TM6SF1: variants seen among roughly 807,000 people sequenced by gnomAD.
The protein encoded by TM6SF1 is transmembrane 6 superfamily member 1.
In TM6SF1, 43 loss-of-function variants were observed where a neutral mutation model predicts 47.1. That is an observed-to-expected ratio of 0.91 (90% CI 0.72 to 1.18). TM6SF1 has a LOEUF of 1.18. Among genes scored for constraint, TM6SF1 ranks in the 50% most tolerant of loss-of-function variants. TM6SF1 has a pLI of 0.00. For synonymous variants in TM6SF1, 177 were observed against 166.3 expected (o/e 1.06, Z -0.49); for missense variants, 390 against 449.0 (o/e 0.87, Z 1.19).
At chr15:83,109,608 C>G (rs1271644435) in intron 1 of TM6SF1, among the ~76,000 whole-genome samples, 2 of 152,194 alleles carry the variant, frequency 1.3e-5, no homozygotes, top group Non-Finnish European at 2.9e-5. Context: ...AGTCCTGGGG[C>G]TCTAGTGTCT....
intron 1 of TM6SF1, among the ~76,000 whole-genome samples, chr15:83,112,047 T>A (rs2034231113): frequency 6.6e-6 from 1 of 152,206 alleles, no homozygotes; most frequent in African/African-American, 2.4e-5. Context: ...CTACCAAGCC[T>A]CGTGCCCTAT....
intron 7 of TM6SF1, 149 bp downstream of exon 7, chr15:83,124,925 C>A: frequency 1.5e-6 from 1 of 662,186 alleles, no homozygotes; most frequent in Non-Finnish European, 2.5e-6. Context: ...GAGCCCTGGA[C>A]CTGCTTCCTG....
At chr15:83,113,073 G>A (rs529554970) in intron 2 of TM6SF1, 173 bp downstream of exon 2, 3 of 622,060 alleles carry the variant, frequency 4.8e-6, no homozygotes, top group South Asian at 3.8e-5. Flanking sequence ...TTGCCTCTCA[G>A]GCAGTGGACT....
At chr15:83,108,459 A>G (rs1489306907) in intron 1 of TM6SF1, among the ~76,000 whole-genome samples, 1 of 151,632 alleles carries the variant, frequency 6.6e-6, no homozygotes, top group Non-Finnish European at 1.5e-5. Context: ...GCGCTGGGGT[A>G]GGATGGGGAC....
At chr15:83,118,216 C>T (rs1567138786) in intron 3 of TM6SF1, among the ~76,000 whole-genome samples, 1 of 148,436 alleles carries the variant, frequency 6.7e-6, no homozygotes. Context: ...AGAGTGAGAC[C>T]CTGTCTCTGT....
intron 9 of TM6SF1, chr15:83,134,224 CTTTT>C (rs972449463): frequency 6.9e-6 from 1 of 144,890 alleles, no homozygotes; most frequent in Non-Finnish European, 1.5e-5. Flanking sequence ...GGACATGAAT[CTTTT>C]TTTTTTTTTA....
chr15:83,126,671 TA>T, intron 7 of TM6SF1, 83 bp from the exon 8 acceptor site: 1 of 1,091,230 alleles, frequency 9.2e-7, no homozygotes, highest in Non-Finnish European at 1.4e-6. Flanking sequence ...AGCTTGTGAC[TA>T]AACCTGGCAC....
chr15:83,118,193 T>C (rs1302703746), intron 3 of TM6SF1, among the ~76,000 whole-genome samples: 1 of 151,904 alleles, frequency 6.6e-6, no homozygotes, highest in Non-Finnish European at 1.5e-5. Context: ...CACTGCACTC[T>C]AGACCGGGTG....
chr15:83,133,558 A>G, intron 9 of TM6SF1: 1 of 152,386 alleles, frequency 6.6e-6, no homozygotes, highest in Non-Finnish European at 1.5e-5. Flanking sequence ...AAAAATTATT[A>G]GGGACTCAAC....
At position 83,108,506 on chromosome 15, in the gene TM6SF1, T is replaced by C. The variant is rs147504023; in HGVS notation, c.92+734T>C. ...GCAGAACACTTCAATGTGAAGGAAA[T>C]GGGTGGGGCTGATGGAGGGGGACAG... On this transcript the variant is annotated intron_variant, in intron 1 of 9. Transcript: ENST00000322019. Among the ~76,000 whole-genome samples, 6 of 151,316 alleles carry C rather than the reference T, an allele frequency of 4.0e-5. No homozygotes were observed. The East Asian group carries it at 1.2e-3, about 30-fold the overall frequency.
At position 83,119,544 on chromosome 15, in the gene TM6SF1, T is replaced by C. The variant is rs185585688; in HGVS notation, c.295-34T>C. On this transcript the variant is annotated intron_variant, in intron 3 of 9. Transcript: ENST00000322019. The stretch of plus-strand genomic sequence containing the variant: ...TGATGTTCTGCATTTACAGGTCTTA[T>C]TTAAAGTGGACTTCTTTTTAATGCT... 3.3e-6 allele frequency: 5 copies of C among 1,515,084 alleles called. No homozygotes were observed. In the African/African-American group the frequency reaches 4.0e-5, roughly 12 times the overall value. 93.9% of individuals were successfully genotyped at this position (1,515,084 alleles called of 1,614,324 possible).
intron 1 of TM6SF1, among the ~76,000 whole-genome samples, chr15:83,111,419 TCATC>T (rs1021646170): frequency 4.0e-5 from 6 of 151,854 alleles, no homozygotes; most frequent in African/African-American, 1.5e-4. Flanking sequence ...ATCCATCCAT[TCATC>T]CATCATCTAT....
rs2033794007 is a variant in TM6SF1, at chr15:83,107,781, G to A, written c.92+9G>A. On this transcript the variant is annotated intron_variant, in intron 1 of 9. Coordinates refer to ENST00000322019, the MANE Select transcript of TM6SF1 (RefSeq NM_023003.5). The surrounding 1 kb of genome is among the most constrained non-coding windows in gnomAD (Gnocchi z 5.6). The stretch of plus-strand genomic sequence containing the variant: ...CTGGCGGCCCAGCATGAGTGAGTGA[G>A]CCGGCGCGGCGGGGGTCGCGCCGAG... 6.3e-7 allele frequency: 1 copy of A among 1,575,412 alleles called. No homozygotes were observed. The highest frequency in any genetic ancestry group is 8.6e-7 in the Non-Finnish European group (1 of 1,162,702).
chr15:83,112,532 G>A (rs2034282003), intron 1 of TM6SF1, among the ~76,000 whole-genome samples: 1 of 152,090 alleles, frequency 6.6e-6, no homozygotes, highest in Admixed American at 6.5e-5. Context: ...CTCCAGACGT[G>A]TCATCTGTGC....
intron 1 of TM6SF1, chr15:83,112,595 G>GA (rs763709387): frequency 8.3e-6 from 5 of 600,942 alleles, no homozygotes; most frequent in Non-Finnish European, 1.5e-5. Flanking sequence ...TTCGGTCCCT[G>GA]AAAGTCATGG....
intron 6 of TM6SF1, 97 bp downstream of exon 6, chr15:83,122,975 A>G: frequency 1.4e-6 from 2 of 1,407,728 alleles, no homozygotes; most frequent in Non-Finnish European, 1.9e-6. Flanking sequence ...TGTGGACTGG[A>G]GCATTTGGGG....
chr15:83,113,410 G>C (rs2034373802), intron 2 of TM6SF1: 1 of 154,944 alleles, frequency 6.5e-6, no homozygotes, highest in East Asian at 1.9e-4. Context: ...CCACTTGAAA[G>C]TGAAGCAGCT....
intron 2 of TM6SF1, chr15:83,113,912 C>T (rs189227635): frequency 3.9e-5 from 6 of 152,420 alleles, no homozygotes; most frequent in African/African-American, 1.4e-4. Context: ...CATTCTCTGC[C>T]TACAGTGGGC....
At position 83,121,921 on chromosome 15, in the gene TM6SF1, G is replaced by A. The variant is rs1452306728; in HGVS notation, c.399G>A (p.Glu133=). 23 of 1,596,512 alleles carry A rather than the reference G, an allele frequency of 1.4e-5. No individual in the cohort carries two copies. The highest frequency in any genetic ancestry group is 2.0e-5 in the Non-Finnish European group (23 of 1,175,710). The change falls in exon 5 of 10, where the codon GAG becomes GAA. Residue 133 remains glutamate (E), a splice_region_variant and synonymous_variant. Coordinates refer to ENST00000322019, the MANE Select transcript of TM6SF1 (RefSeq NM_023003.5). ...YLVMVAAIAW[E]ETYRTIGLYW... is the part of the protein sequence containing the mutation. The stretch of plus-strand genomic sequence containing the variant: ...GATTTTTTTGTTGTTGTTGTTACAG[G>A]GAAACTTATAGAACCATTGGCCTAT...
Sources: allele counts gnomAD v4.1 joint callset (sites outside exome capture counted in the v4.1 genomes callset), GRCh38; gene constraint gnomAD v4.1.1; non-coding constraint Gnocchi (gnomAD v3.1); transcripts MANE v1.5; gene names NCBI Gene and HGNC (gene_info 2026-07-23, HGNC 2026-07-21).